NOVA1: variants seen among roughly 807,000 people sequenced by gnomAD.
The protein encoded by NOVA1 is NOVA alternative splicing regulator 1.
A neutral mutation model predicts 38.0 loss-of-function variants in NOVA1; 7 were observed. That is an observed-to-expected ratio of 0.18 (90% CI 0.10 to 0.35). NOVA1 has a LOEUF of 0.35. NOVA1 is among the 10% of genes least tolerant of loss of function. The pLI is 1.00. For synonymous variants in NOVA1, 270 were observed against 232.5 expected (o/e 1.16, Z -1.47); for missense variants, 460 against 616.0 (o/e 0.75, Z 2.68).
At chr14:26,536,367 T>C (rs1045497761) in intron 2 of NOVA1, among the ~76,000 whole-genome samples, 1 of 152,100 alleles carries the variant, frequency 6.6e-6, no homozygotes, top group Admixed American at 6.5e-5. Flanking sequence ...AATGTAATTG[T>C]ATTATTTGTA....
intron 2 of NOVA1, among the ~76,000 whole-genome samples, chr14:26,539,933 T>C (rs1890354668): frequency 6.6e-6 from 1 of 152,016 alleles, no homozygotes; most frequent in Non-Finnish European, 1.5e-5. Flanking sequence ...TGCTGCAGAG[T>C]TACTCCTCTT....
intron 1 of NOVA1, chr14:26,596,856 A>G: frequency 3.5e-6 from 4 of 1,130,316 alleles, no homozygotes; most frequent in Non-Finnish European, 4.4e-6. Context: ...CCGGCGCCCC[A>G]GTCATTCGCA....
intron 2 of NOVA1, among the ~76,000 whole-genome samples, chr14:26,537,961 G>C (rs1350046998): frequency 6.6e-6 from 1 of 152,094 alleles, no homozygotes; most frequent in Admixed American, 6.5e-5. Flanking sequence ...AGATGTAGAG[G>C]AAGAGGGATC....
intron 2 of NOVA1, among the ~76,000 whole-genome samples, chr14:26,554,349 G>A (rs562585257): frequency 9.9e-5 from 15 of 151,136 alleles, no homozygotes; most frequent in Non-Finnish European, 1.8e-4. Context: ...ATAGGTATAT[G>A]AGAAAAAAAA....
intron 2 of NOVA1, among the ~76,000 whole-genome samples, chr14:26,574,895 C>T (rs1892738064): frequency 6.6e-6 from 1 of 152,056 alleles, no homozygotes; most frequent in Admixed American, 6.6e-5. Context: ...CTCCTGGTCT[C>T]CCACAATCCT....
At chr14:26,449,452 C>T (rs1173959116) in intron 4 of NOVA1, among the ~76,000 whole-genome samples, 1 of 152,070 alleles carries the variant, frequency 6.6e-6, no homozygotes, top group African/African-American at 2.4e-5. Flanking sequence ...CCCTTCAAAA[C>T]ATTAATTTCA....
rs1299849705 is a variant in NOVA1 at position 26,543,185 on chromosome 14, A to T, written c.280+52225T>A. Among the ~76,000 whole-genome samples the T allele has an allele frequency of 2.6e-5, 4 of 152,178 alleles. No individual in the cohort carries two copies. In the East Asian group the frequency reaches 7.7e-4, roughly 29 times the overall value. ...ATGTACAACTATTAGGTATCCATAA[A>T]AATTAAAAATTCAAAAAGCAAAAAA... On this transcript the variant is annotated intron_variant, in intron 2 of 4. Transcript: ENST00000539517.
At chr14:26,495,653 C>T in intron 2 of NOVA1, among the ~76,000 whole-genome samples, 1 of 139,638 alleles carries the variant, frequency 7.2e-6, no homozygotes, top group Non-Finnish European at 1.5e-5. Flanking sequence ...CCCCTCCCCC[C>T]ACCCCACAAC....
chr14:26,593,511 CA>C (rs1302095358), intron 2 of NOVA1: 1 of 151,788 alleles, frequency 6.6e-6, no homozygotes, highest in East Asian at 1.9e-4. Context: ...GATTGGTTTC[CA>C]CCTGTTACCG....
At chr14:26,539,567 T>C (rs138744523) in intron 2 of NOVA1, among the ~76,000 whole-genome samples, 235 of 151,316 alleles carry the variant, frequency 1.6e-3, no homozygotes, top group African/African-American at 5.2e-3. Context: ...AGATAGATGA[T>C]AGATGTAGAT....
intron 4 of NOVA1, chr14:26,470,506 G>T (rs770557557): frequency 6.7e-7 from 1 of 1,483,542 alleles, no homozygotes; most frequent in Non-Finnish European, 9.4e-7. Context: ...TACAAGAACA[G>T]AAGAAAACAG....
At chr14:26,500,916 GA>G (rs1275356049) in intron 2 of NOVA1, among the ~76,000 whole-genome samples, 1 of 151,770 alleles carries the variant, frequency 6.6e-6, no homozygotes, top group Non-Finnish European at 1.5e-5. Context: ...ACTTTTGAGG[GA>G]AAAAAAGTGC....
intron 2 of NOVA1, among the ~76,000 whole-genome samples, chr14:26,579,087 C>T (rs377462296): frequency 4.8e-4 from 49 of 102,496 alleles, no homozygotes; most frequent in Middle Eastern, 0.025. Flanking sequence ...GAGACAGAGT[C>T]TCACTCTGTT....
At chr14:26,597,016 CA>C in intron 1 of NOVA1, 3 of 1,270,752 alleles carry the variant, frequency 2.4e-6, no homozygotes, top group Non-Finnish European at 2.0e-6. Flanking sequence ...TTTACATGGT[CA>C]ACCTCTGGAC....
In NOVA1 at chr14:26,447,953, G is replaced by A. The variant is rs368768972; in HGVS notation, c.*6C>T. ...GTTAAAACAATCTGATGTGTAACTG[G>A]GGCACTCAACCCACTTTCTGAGGAT... On this transcript the variant is annotated 3_prime_UTR_variant, in exon 5 of 5. Transcript: ENST00000539517. The A allele has an allele frequency of 1.2e-6, 2 of 1,612,026 alleles. No homozygotes were observed. The highest frequency in any genetic ancestry group is 1.7e-6 in the Non-Finnish European group (2 of 1,178,426).
At chr14:26,575,775 ATAAT>A (rs1368485570) in intron 2 of NOVA1, among the ~76,000 whole-genome samples, 2 of 152,162 alleles carry the variant, frequency 1.3e-5, no homozygotes, top group East Asian at 3.9e-4. Context: ...TTGTTATTAT[ATAAT>A]TATTTCAAAT....
chr14:26,478,922 GC>G (rs1885210216), intron 3 of NOVA1: 1 of 151,502 alleles, frequency 6.6e-6, no homozygotes. Flanking sequence ...AAAATATATT[GC>G]CTAATTATCA....
intron 2 of NOVA1, among the ~76,000 whole-genome samples, chr14:26,533,306 T>C (rs577057528): frequency 7.4e-4 from 112 of 152,356 alleles, no homozygotes; most frequent in African/African-American, 2.6e-3. Context: ...GAGCCACTTA[T>C]GCATTTTGCG....
chr14:26,488,159 G>A (rs1886064056), intron 2 of NOVA1, among the ~76,000 whole-genome samples: 1 of 152,070 alleles, frequency 6.6e-6, no homozygotes, highest in Admixed American at 6.6e-5. Flanking sequence ...CTTTTAAACT[G>A]CAAAAATTTG....
Sources: gnomAD v4.1 joint callset for allele counts (sites outside exome capture counted in the v4.1 genomes callset) on GRCh38, gnomAD v4.1.1 for gene constraint, MANE v1.5 for transcripts, NCBI Gene and HGNC (gene_info 2026-07-23, HGNC 2026-07-21) for gene names.